WWOX: variants seen among roughly 807,000 people sequenced by gnomAD.
WWOX encodes the protein WW domain-containing oxidoreductase.
WWOX carries 69 observed loss-of-function variants against 46.2 expected under a neutral mutation model. The ratio of observed to expected loss-of-function variants is 1.49; its 90% CI spans 1.23 to 1.82. The LOEUF is 1.82. Ranked by LOEUF, WWOX falls within the 40% of genes most tolerant of loss-of-function variation. The pLI is 0.00. For synonymous variants in WWOX, 359 were observed against 202.6 expected, an observed-to-expected ratio of 1.77 and a Z score of -6.56; for missense variants, 919 against 542.6, an observed-to-expected ratio of 1.69 and a Z score of -6.89.
chr16:78,376,318 C>T (rs1003990512), intron 5 of WWOX, among the ~76,000 whole-genome samples: 1 of 152,148 alleles, frequency 6.6e-6, no homozygotes, highest in African/African-American at 2.4e-5. Context: ...ATTGAACATT[C>T]TTTAGTGGAA....
chr16:78,579,470 T>G, intron 8 of WWOX, among the ~76,000 whole-genome samples: 1 of 152,058 alleles, frequency 6.6e-6, no homozygotes, highest in East Asian at 1.9e-4. Flanking sequence ...TGAGTTCCTC[T>G]TAAGTGAATA....
chr16:78,883,488 C>A (rs1170946066), intron 8 of WWOX, among the ~76,000 whole-genome samples: 2 of 152,242 alleles, frequency 1.3e-5, no homozygotes, highest in East Asian at 1.9e-4. Context: ...TTGCGGGAGG[C>A]TGAGGCAAGC....
At chr16:78,828,242 G>A (rs951415902) in intron 8 of WWOX, among the ~76,000 whole-genome samples, 1 of 152,180 alleles carries the variant, frequency 6.6e-6, no homozygotes, top group Non-Finnish European at 1.5e-5. Flanking sequence ...CAGTGGCAAA[G>A]ACAATGACAA....
At chr16:78,761,379 T>C (rs1004318408) in intron 8 of WWOX, among the ~76,000 whole-genome samples, 1 of 152,172 alleles carries the variant, frequency 6.6e-6, no homozygotes, top group Non-Finnish European at 1.5e-5. Flanking sequence ...GAGAACTCTT[T>C]AGCATTTACA....
intron 8 of WWOX, among the ~76,000 whole-genome samples, chr16:78,640,021 C>G (rs1482098813): frequency 6.6e-6 from 1 of 152,098 alleles, no homozygotes; most frequent in Non-Finnish European, 1.5e-5. Context: ...AGCCTGTGAC[C>G]ACACAGATAG....
chr16:78,320,453 C>T (rs769511380), intron 5 of WWOX, among the ~76,000 whole-genome samples: 3 of 152,114 alleles, frequency 2.0e-5, no homozygotes, highest in African/African-American at 4.8e-5. Flanking sequence ...GTTTTTAAGT[C>T]CCTAGCTGTT....
chr16:79,040,757 G>T (rs529797595), intron 8 of WWOX, among the ~76,000 whole-genome samples: 1 of 152,014 alleles, frequency 6.6e-6, no homozygotes, highest in Non-Finnish European at 1.5e-5. Flanking sequence ...TGTCAGCCAG[G>T]GAACCTGACA....
intron 8 of WWOX, among the ~76,000 whole-genome samples, chr16:78,971,127 C>T (rs1253024370): frequency 1.3e-5 from 2 of 151,994 alleles, no homozygotes; most frequent in South Asian, 2.1e-4. Flanking sequence ...CCAGTGTGAG[C>T]CATATGCTTT....
At chr16:78,215,783 G>A (rs1337129724) in intron 5 of WWOX, among the ~76,000 whole-genome samples, 2 of 151,946 alleles carry the variant, frequency 1.3e-5, no homozygotes, top group African/African-American at 2.4e-5. Flanking sequence ...CAAAACAGCC[G>A]GGTATGGTGG....
intron 8 of WWOX, among the ~76,000 whole-genome samples, chr16:79,177,113 C>G (rs1345306958): frequency 1.3e-5 from 2 of 152,204 alleles, no homozygotes; most frequent in Admixed American, 6.5e-5. Context: ...ACTCAGTGCA[C>G]AAGTCCTTCT....
Position 78,995,761 on chromosome 16 carries a change from C to A in WWOX, c.1057-215847C>A, listed in dbSNP as rs559765541. On this transcript the variant is annotated intron_variant, in intron 8 of 8. Coordinates refer to ENST00000566780, the MANE Select transcript of WWOX (RefSeq NM_016373.4). ...AATCACTATAAAAATGTTTATGAAC[C>A]CTGCAATTTACTGTCTTTTATATGC... 1.6e-4 allele frequency among the ~76,000 whole-genome samples: 25 copies of A among 152,134 alleles called. No homozygotes were observed. The South Asian group carries it at 5.2e-3, about 32-fold the overall frequency.
chr16:79,045,415 A>C (rs1012714755), intron 8 of WWOX, among the ~76,000 whole-genome samples: 3 of 152,204 alleles, frequency 2.0e-5, no homozygotes, highest in African/African-American at 7.2e-5. Flanking sequence ...AGAGATGTAC[A>C]TCATGATCTG....
At chr16:79,171,371 A>G (rs994911653) in intron 8 of WWOX, among the ~76,000 whole-genome samples, 1 of 152,234 alleles carries the variant, frequency 6.6e-6, no homozygotes, top group African/African-American at 2.4e-5. Context: ...CCCACACTGA[A>G]CAAATATAAT....
At chr16:78,470,461 C>T (rs185032704) in intron 8 of WWOX, among the ~76,000 whole-genome samples, 8 of 152,168 alleles carry the variant, frequency 5.3e-5, no homozygotes, top group Admixed American at 2.0e-4. Flanking sequence ...CTTCCCTCTA[C>T]GATTTCATCC....
intron 8 of WWOX, among the ~76,000 whole-genome samples, chr16:78,809,336 A>G (rs1271587529): frequency 1.3e-5 from 2 of 151,482 alleles, no homozygotes; most frequent in Non-Finnish European, 2.9e-5. Flanking sequence ...AAAAGAAAAA[A>G]CCACCGTGGT....
rs138826143 is a variant in WWOX at position 78,664,935 on chromosome 16, C to G, written c.1056+232183C>G. Among the ~76,000 whole-genome samples the G allele has an allele frequency of 3.3e-3, 508 of 152,318 alleles. 3 individuals are homozygous for G. Among genetic ancestry groups the G allele is most frequent in the African/African-American group, 0.012 (484 of 41,568 alleles). On this transcript the variant is annotated intron_variant, in intron 8 of 8. Transcript: ENST00000566780. ...GGAATTGGCTCTGTCATGTGTCAGC[C>G]TAATAGCCTAAACCCTGGTTCAATA...
At chr16:79,099,073 G>A (rs905898580) in intron 8 of WWOX, among the ~76,000 whole-genome samples, 1 of 149,526 alleles carries the variant, frequency 6.7e-6, no homozygotes, top group African/African-American at 2.6e-5. Flanking sequence ...GAGATCACAT[G>A]GGCAGAGAGG....
At chr16:78,199,304 C>G (rs1314060593) in intron 5 of WWOX, among the ~76,000 whole-genome samples, 2 of 141,600 alleles carry the variant, frequency 1.4e-5, no homozygotes, top group African/African-American at 2.7e-5. Context: ...CAGAGCGAGA[C>G]TCCATCTCAA....
At chr16:78,731,876 C>G (rs562703029) in intron 8 of WWOX, among the ~76,000 whole-genome samples, 25 of 120,522 alleles carry the variant, frequency 2.1e-4, no homozygotes, top group African/African-American at 9.0e-4. Context: ...GAGACAGGGT[C>G]TTGCTTTATA....
Sources: gnomAD v4.1 joint callset for allele counts (sites outside exome capture counted in the v4.1 genomes callset) on GRCh38, gnomAD v4.1.1 for gene constraint, MANE v1.5 for transcripts, NCBI Gene and HGNC (gene_info 2026-07-23, HGNC 2026-07-21) for gene names.